P3H2: variants seen among roughly 807,000 people sequenced by gnomAD.
P3H2 encodes leprecan-like 1.
In P3H2, 80 loss-of-function variants were observed where a neutral mutation model predicts 87.0. The ratio of observed to expected loss-of-function variants is 0.92; its 90% CI spans 0.77 to 1.11. P3H2 has a LOEUF of 1.11. Among genes scored for constraint, P3H2 ranks in the 50% least tolerant of loss-of-function variants. The pLI, the probability that P3H2 is intolerant of heterozygous loss-of-function variation, is 0.00. For missense variants in P3H2, 1,001 were observed against 923.9 expected, an observed-to-expected ratio of 1.08 and a Z score of -1.08; for synonymous variants, 367 against 359.3, an observed-to-expected ratio of 1.02 and a Z score of -0.24.
chr3:189,963,751 T>C (rs986584424), intron 14 of P3H2: 13 of 605,756 alleles, frequency 2.1e-5, no homozygotes, highest in Non-Finnish European at 3.2e-5. Flanking sequence ...GCCTTACAAT[T>C]TGTTAATAAG....
chr3:190,094,602 T>C lies in P3H2; in HGVS notation c.480+25650A>G, dbSNP rs1450905932. Among the ~76,000 whole-genome samples the C allele has an allele frequency of 2.6e-5, 4 of 152,342 alleles. No individual in the cohort carries two copies. The East Asian group carries it at 5.8e-4, about 22-fold the overall frequency. On this transcript the variant is annotated intron_variant, in intron 1 of 14. Transcript: ENST00000319332. ...CCTTGGAAAGGCTGACTCAAGCTCA[T>C]AGCCTTGATGTCCTGAGTACAATAC...
intron 1 of P3H2, among the ~76,000 whole-genome samples, chr3:190,011,364 A>C (rs1044335972): frequency 6.6e-6 from 1 of 152,190 alleles, no homozygotes; most frequent in Non-Finnish European, 1.5e-5. Context: ...AATTCAAGAA[A>C]AATGATTTTT....
chr3:190,084,569 A>T (rs1727149571), intron 1 of P3H2, among the ~76,000 whole-genome samples: 1 of 152,224 alleles, frequency 6.6e-6, no homozygotes, highest in African/African-American at 2.4e-5. Flanking sequence ...TAATAATCAC[A>T]GGTGCTGAAT....
intron 1 of P3H2, among the ~76,000 whole-genome samples, chr3:190,114,049 C>A (rs1712180302): frequency 2.5e-5 from 3 of 120,868 alleles, no homozygotes; most frequent in Admixed American, 8.3e-5. Flanking sequence ...CACCACACTC[C>A]AGCCTGGGCG....
At chr3:190,108,059 T>C (rs954632315) in intron 1 of P3H2, among the ~76,000 whole-genome samples, 3 of 152,150 alleles carry the variant, frequency 2.0e-5, no homozygotes, top group Non-Finnish European at 4.4e-5. Flanking sequence ...TTCCAGCCTC[T>C]ACCTCCCAAA....
At chr3:189,988,770 G>A in intron 4 of P3H2, 137 bp downstream of exon 4, 1 of 1,102,956 alleles carries the variant, frequency 9.1e-7, no homozygotes, top group East Asian at 2.4e-5. Flanking sequence ...CTGCAGCTCA[G>A]GAGAGAAGAA....
intron 12 of P3H2, chr3:189,971,559 A>C: frequency 2.9e-6 from 1 of 346,144 alleles, no homozygotes; most frequent in Non-Finnish European, 5.6e-6. Context: ...CCAAGACTCC[A>C]TGCCCTTGTA....
At chr3:189,974,809 C>A in intron 8 of P3H2, 124 bp from the exon 9 acceptor site, 1 of 1,218,798 alleles carries the variant, frequency 8.2e-7, no homozygotes, top group South Asian at 1.2e-5. Context: ...TTTAGAAATG[C>A]AAAGACAAAT....
Position 190,120,280 on chromosome 3 carries a change from T to C in P3H2, c.452A>G (p.Tyr151Cys), listed in dbSNP as rs1712492394. ...VRSDFQRRVPYNYLQRAYIKL... is the reference protein window; with the variant it reads ...VRSDFQRRVPCNYLQRAYIKL... ...GATGTAGGCCCGCTGCAGGTAGTTG[T>C]AGGGCACTCTGCGCTGGAAGTCGCT... Residue 151 changes from tyrosine (Y) to cysteine (C), a missense_variant, in exon 1 of 15, where the codon TAC becomes TGC. Transcript: ENST00000319332. 1.2e-6 allele frequency: 2 copies of C among 1,611,162 alleles called. No individual in the cohort carries two copies. The highest frequency in any genetic ancestry group is 1.7e-6 in the Non-Finnish European group (2 of 1,179,400).
At chr3:190,032,276 T>G (rs1725278674) in intron 1 of P3H2, among the ~76,000 whole-genome samples, 1 of 152,196 alleles carries the variant, frequency 6.6e-6, no homozygotes, top group South Asian at 2.1e-4. Context: ...TATATTTCTG[T>G]AGGTGTGTTG....
At chr3:190,041,093 ATATATATATATATAC>A (rs763816735) in intron 1 of P3H2, among the ~76,000 whole-genome samples, 8,805 of 50,538 alleles carry the variant, frequency 0.17, 1,093 homozygotes, top group African/African-American at 0.28. Context: ...CTCTCTCTCT[ATATATATATATATAC>A]TATATATATA....
chr3:190,113,668 T>C (rs1712157645), intron 1 of P3H2, among the ~76,000 whole-genome samples: 1 of 152,192 alleles, frequency 6.6e-6, no homozygotes, highest in South Asian at 2.1e-4. Flanking sequence ...TCCAAGAGAA[T>C]TTCACAGCTA....
intron 1 of P3H2, among the ~76,000 whole-genome samples, chr3:190,100,252 C>CG (rs1711570619): frequency 1.2e-4 from 9 of 77,338 alleles, no homozygotes; most frequent in African/African-American, 9.6e-4. Flanking sequence ...CCCCCGCCGC[C>CG]CCCCCCCCCA....
At chr3:190,018,952 C>T (rs1476381388) in intron 1 of P3H2, among the ~76,000 whole-genome samples, 1 of 152,128 alleles carries the variant, frequency 6.6e-6, no homozygotes, top group African/African-American at 2.4e-5. Context: ...CAGGATATTA[C>T]AGAAATACAT....
chr3:189,997,342 A>T (rs1164997353), intron 1 of P3H2, among the ~76,000 whole-genome samples: 1 of 152,244 alleles, frequency 6.6e-6, no homozygotes, highest in Non-Finnish European at 1.5e-5. Flanking sequence ...TCAGAAAAAT[A>T]AAAATTCACA....
intron 10 of P3H2, among the ~76,000 whole-genome samples, chr3:189,973,396 G>A (rs918933388): frequency 6.6e-6 from 1 of 151,354 alleles, no homozygotes; most frequent in Non-Finnish European, 1.5e-5. Flanking sequence ...AGTTTGATAA[G>A]TTGATGGCTG....
chr3:189,985,182 T>C (rs1198877960), intron 6 of P3H2, among the ~76,000 whole-genome samples: 1 of 151,990 alleles, frequency 6.6e-6, no homozygotes, highest in African/African-American at 2.4e-5. Flanking sequence ...GGACATATTA[T>C]AAATAATTTT....
At chr3:189,995,674 G>A (rs1250902055) in intron 1 of P3H2, among the ~76,000 whole-genome samples, 1 of 151,270 alleles carries the variant, frequency 6.6e-6, no homozygotes, top group Non-Finnish European at 1.5e-5. Flanking sequence ...CCTACAGAAT[G>A]CAAGAAAATA....
chr3:189,967,966 A>G (rs1178491312), intron 13 of P3H2, among the ~76,000 whole-genome samples: 1 of 152,228 alleles, frequency 6.6e-6, no homozygotes, highest in Non-Finnish European at 1.5e-5. Flanking sequence ...ATGAGGGACA[A>G]GCATAAAATT....
Sources: gnomAD v4.1 joint callset for allele counts (sites outside exome capture counted in the v4.1 genomes callset) on GRCh38, gnomAD v4.1.1 for gene constraint, MANE v1.5 for transcripts, NCBI Gene and HGNC (gene_info 2026-07-23, HGNC 2026-07-21) for gene names.